Variants in TGM5 observed in about 807,000 individuals in gnomAD.
TGM5 encodes the protein transglutaminase 5.
In TGM5, 69 loss-of-function variants were observed where a neutral mutation model predicts 77.2. That is an observed-to-expected ratio of 0.89 (90% confidence interval 0.74 to 1.09). The LOEUF (loss-of-function observed/expected upper bound fraction) is 1.09. TGM5 is among the 50% of genes least tolerant of loss of function. The pLI, the probability that TGM5 is intolerant of heterozygous loss-of-function variation, is 0.00. For missense variants in TGM5, 842 were observed against 896.5 expected, an observed-to-expected ratio of 0.94 and a Z score of 0.78; for synonymous variants, 346 against 351.8, an observed-to-expected ratio of 0.98 and a Z score of 0.18.
Position 43,252,929 on chromosome 15 carries a change from C to T in TGM5, c.692G>A (p.Ser231Asn), listed in dbSNP as rs767145906. Residue 231 changes from serine (S) to asparagine (N), a missense_variant, in exon 6 of 13, where the codon AGC becomes AAC. Physicochemically the swap from Ser to Asn is conservative, Grantham distance 46. Transcript: ENST00000220420. ...VSRVVCAMIN[S>N]NDDNGVLNGN... Reference sequence around the variant, plus strand: ...ATTGAGCACCCCATTATCATCATTGCTGTTGATCTGAAGAGAAGCCATATA... The same window carrying T: ...ATTGAGCACCCCATTATCATCATTGTTGTTGATCTGAAGAGAAGCCATATA... 3 of 1,613,068 alleles carry T rather than the reference C, an allele frequency of 1.9e-6. No homozygotes were observed. Among genetic ancestry groups the T allele is most frequent in the South Asian group, 2.2e-5 (2 of 91,076 alleles).
intron 6 of TGM5, among the ~76,000 whole-genome samples, chr15:43,249,945 G>GTCAC (rs2042693259): frequency 6.6e-6 from 1 of 152,244 alleles, no homozygotes; most frequent in Non-Finnish European, 1.5e-5. Flanking sequence ...GAGTCCCTCA[G>GTCAC]TCACTTTAAG....
At chr15:43,261,090 T>TTTTTTTTGTTTTTTGTTTTTTG (rs2042786210) in intron 1 of TGM5, among the ~76,000 whole-genome samples, 1 of 97,118 alleles carries the variant, frequency 1.0e-5, no homozygotes, top group African/African-American at 5.1e-5. Context: ...TTTTTTTTTT[T>TTTTTTTTGTTTTTTGTTTTTTG]TTTTTTTTTT....
At chr15:43,245,314 C>G (rs1170341174) in intron 6 of TGM5, among the ~76,000 whole-genome samples, 1 of 152,058 alleles carries the variant, frequency 6.6e-6, no homozygotes, top group African/African-American at 2.4e-5. Flanking sequence ...AATGTGATGA[C>G]TTTTATCACC....
chr15:43,258,358 G>A (rs931427145), intron 3 of TGM5, among the ~76,000 whole-genome samples: 2 of 151,884 alleles, frequency 1.3e-5, no homozygotes, highest in African/African-American at 2.4e-5. Context: ...TACCTACATA[G>A]CAAATCTGTA....
intron 10 of TGM5, 115 bp from the exon 11 acceptor site, chr15:43,235,044 G>A: frequency 7.6e-7 from 1 of 1,316,522 alleles, no homozygotes; most frequent in Non-Finnish European, 1.1e-6. Context: ...CCAAATCCCA[G>A]GGAAGCAGGT....
intron 2 of TGM5, 39 bp from the exon 3 acceptor site, chr15:43,260,336 T>C: frequency 6.2e-7 from 1 of 1,614,022 alleles, no homozygotes. Context: ...CATGGCGACC[T>C]CCAAACCCCC....
Position 43,253,527 on chromosome 15 carries a change from G to A in TGM5, c.663C>T (p.Val221=), listed in dbSNP as rs1566834572. ...DCALRGSPVY[V]SRVVCAMINS... ...TCACCATGGCACACACCACTCTGCTGACGTAGACGGGGCTTCCCCGCAGAG... is the reference window on the plus strand; with the variant it reads ...TCACCATGGCACACACCACTCTGCTAACGTAGACGGGGCTTCCCCGCAGAG... Residue 221 remains valine (V), a synonymous_variant, in exon 5 of 13, where the codon GTC becomes GTT. Transcript: ENST00000220420. 1 of 1,613,004 alleles carries A rather than the reference G, an allele frequency of 6.2e-7. No individual in the cohort carries two copies.
At chr15:43,264,794 T>C (rs2042813769) in intron 1 of TGM5, among the ~76,000 whole-genome samples, 1 of 152,260 alleles carries the variant, frequency 6.6e-6, no homozygotes, top group African/African-American at 2.4e-5. Context: ...TAAAAGTTGT[T>C]ATAAACAAAT....
chr15:43,233,003 T>C lies in TGM5; in HGVS notation c.*188A>G. 3 of 696,456 alleles carry C rather than the reference T, an allele frequency of 4.3e-6. No individual in the cohort carries two copies. Among genetic ancestry groups the C allele is most frequent in the South Asian group, 1.9e-5 (1 of 52,386 alleles). The allele number at this position is 696,456 out of a possible 1,614,324, so 43.1% of individuals were successfully genotyped here. A position where few individuals can be genotyped will look rare whatever the true frequency, so the allele number is the denominator to read the frequency against. ...AGGGGTAGTAAACAAAGCAAAGTCTTTGCCCTCATGGAGCTTAAATTTCTA... is the reference window on the plus strand; with the variant it reads ...AGGGGTAGTAAACAAAGCAAAGTCTCTGCCCTCATGGAGCTTAAATTTCTA... On this transcript the variant is annotated 3_prime_UTR_variant, in exon 13 of 13. Coordinates refer to ENST00000220420, the MANE Select transcript of TGM5 (RefSeq NM_201631.4).
rs554763694 is a variant in TGM5, at chr15:43,247,097, G to T, written c.862+5662C>A. 4.7e-5 allele frequency among the ~76,000 whole-genome samples: 7 copies of T among 150,432 alleles called. No homozygotes were observed. The South Asian group carries it at 8.4e-4, about 18-fold the overall frequency. On this transcript the variant is annotated intron_variant, in intron 6 of 12. Coordinates refer to ENST00000220420, the MANE Select transcript of TGM5 (RefSeq NM_201631.4). ...AGCTTGAACCTGGTAGGTGGAGGTT[G>T]CAGTGAGCTGAGATTGTGCTGCTGC...
In TGM5 at chr15:43,239,281, G is replaced by A; in HGVS notation, c.1002-15C>T. On this transcript the variant is annotated splice_polypyrimidine_tract_variant and intron_variant, in intron 7 of 12. Transcript: ENST00000220420. ...CATGGAAGTTCCTGTGTCAAACAGA[G>A]CCAAGGGAGACGTTGTACTGCTTGG... 1 of 1,613,450 alleles carries A rather than the reference G, an allele frequency of 6.2e-7. No individual in the cohort carries two copies. The highest frequency in any genetic ancestry group is 1.1e-5 in the South Asian group (1 of 91,070).
At chr15:43,240,711 G>A (rs548990157) in intron 7 of TGM5, 141 bp downstream of exon 7, 1 of 1,017,848 alleles carries the variant, frequency 9.8e-7, no homozygotes, top group Admixed American at 2.0e-5. Context: ...CTTGGTGGGG[G>A]GTGGGTGGGG....
intron 6 of TGM5, among the ~76,000 whole-genome samples, chr15:43,251,612 G>A (rs1036413195): frequency 5.3e-5 from 8 of 152,206 alleles, no homozygotes; most frequent in East Asian, 3.9e-4. Context: ...CCTTCTGATC[G>A]CCACCCAAAT....
chr15:43,261,090 TTTTTTTTTTTTTTTTTTG>T, intron 1 of TGM5, among the ~76,000 whole-genome samples: 1 of 97,104 alleles, frequency 1.0e-5, no homozygotes, highest in East Asian at 3.1e-4. Flanking sequence ...TTTTTTTTTT[TTTTTTTTTTTTTTTTTTG>T]AGACAGAGTC....
chr15:43,235,817 C>T lies in TGM5; in HGVS notation c.1366G>A (p.Val456Met), dbSNP rs1292653258. ...YEEGSLQERQ[V>M]FLKALQKLKA... ...AGCTTCTGCAGAGCCTTCAGAAACA[C>T]CTGCCTCTCCTGGAGGGATCCTGAA... Residue 456 changes from valine (V) to methionine (M), a missense_variant, in exon 10 of 13, where the codon GTG becomes ATG. This residue lies in a region of TGM5 where 815 missense variants were observed against 844.6 expected (regional missense o/e 0.96). Transcript: ENST00000220420. 5.0e-6 allele frequency: 8 copies of T among 1,613,918 alleles called. No homozygotes were observed. Among genetic ancestry groups the T allele is most frequent in the Non-Finnish European group, 5.1e-6 (6 of 1,180,024 alleles).
Position 43,233,216 on chromosome 15 carries a change from T to A in TGM5, c.2138A>T (p.Asn713Ile). Residue 713 changes from asparagine to isoleucine, a missense_variant, in exon 13 of 13, where the codon AAT (asparagine) becomes ATT (isoleucine). Physicochemically the swap from Asn to Ile is moderately radical, Grantham distance 149. Transcript: ENST00000220420. ...NKFKDIKGYR[N>I]VYVDFAL ...TTATAATGCAAAGTCTACATAAACA[T>A]TCCTGTAACCCTTAATGTCCTTAAA... 1 of 1,614,210 alleles carries A rather than the reference T, an allele frequency of 6.2e-7. No homozygotes were observed.
intron 3 of TGM5, 68 bp from the exon 4 acceptor site, chr15:43,256,754 C>A: frequency 1.7e-6 from 2 of 1,161,880 alleles, no homozygotes; most frequent in Non-Finnish European, 2.6e-6. Flanking sequence ...ATTCTCATCC[C>A]CACAGTCCCA....
chr15:43,241,703 G>A (rs768323676), intron 6 of TGM5, among the ~76,000 whole-genome samples: 8 of 151,744 alleles, frequency 5.3e-5, no homozygotes, highest in African/African-American at 1.5e-4. Context: ...CAAAAAAATC[G>A]CACTCCAGCC....
At chr15:43,239,362 C>T (rs1341138208) in intron 7 of TGM5, 96 bp from the exon 8 acceptor site, 24 of 1,275,328 alleles carry the variant, frequency 1.9e-5, no homozygotes, top group Non-Finnish European at 2.5e-5. Context: ...GATAGAAAGA[C>T]AGACTTAGCA....
Sources: allele counts gnomAD v4.1 joint callset (sites outside exome capture counted in the v4.1 genomes callset), GRCh38; gene constraint gnomAD v4.1.1; regional missense constraint gnomAD v4.1.1; transcripts MANE v1.5; gene names NCBI Gene and HGNC (gene_info 2026-07-23, HGNC 2026-07-21).